Variants in GPC5 observed in about 807,000 individuals in gnomAD.
GPC5 encodes the protein glypican 5, also known as glypican-5.
A neutral mutation model predicts 53.9 loss-of-function variants in GPC5; 47 were observed. That is an observed-to-expected ratio of 0.87 (90% CI 0.69 to 1.11). The LOEUF (loss-of-function observed/expected upper bound fraction) is 1.11, where lower values mean the gene tolerates loss of function less well. Ranked by LOEUF, GPC5 falls within the 50% of genes most tolerant of loss-of-function variation. GPC5 has a pLI of 0.00. For synonymous variants in GPC5, 286 were observed against 263.3 expected (o/e 1.09, Z -0.84); for missense variants, 748 against 713.1 (o/e 1.05, Z -0.56).
intron 7 of GPC5, among the ~76,000 whole-genome samples, chr13:92,508,544 A>G (rs1880456750): frequency 6.6e-6 from 1 of 152,182 alleles, no homozygotes; most frequent in South Asian, 2.1e-4. Context: ...ATTTGAGGAA[A>G]CACGAGTATG....
chr13:92,343,084 C>A (rs752301252), intron 7 of GPC5, among the ~76,000 whole-genome samples: 1 of 152,096 alleles, frequency 6.6e-6, no homozygotes, highest in South Asian at 2.1e-4. Flanking sequence ...AAGTTTGCAA[C>A]AATAATTTGT....
intron 5 of GPC5, among the ~76,000 whole-genome samples, chr13:91,840,524 A>G (rs1318767528): frequency 6.6e-6 from 1 of 152,068 alleles, no homozygotes; most frequent in African/African-American, 2.4e-5. Context: ...AAACCTTCTG[A>G]GAATAAAACA....
chr13:91,763,607 A>G (rs558308259), intron 5 of GPC5, among the ~76,000 whole-genome samples: 2 of 152,342 alleles, frequency 1.3e-5, no homozygotes, highest in East Asian at 3.9e-4. Context: ...TCTAGGTTCA[A>G]TTAGACAAAT....
chr13:92,726,115 C>T (rs572727632), intron 7 of GPC5, among the ~76,000 whole-genome samples: 1 of 151,466 alleles, frequency 6.6e-6, no homozygotes, highest in African/African-American at 2.4e-5. Flanking sequence ...GTCAGAGCTC[C>T]AGAAAAGAGA....
At chr13:92,315,467 A>G (rs147124874) in intron 7 of GPC5, among the ~76,000 whole-genome samples, 30 of 152,322 alleles carry the variant, frequency 2.0e-4, no homozygotes, top group Non-Finnish European at 3.8e-4. Flanking sequence ...TTTGGGCATC[A>G]GGGTTTGAAA....
intron 7 of GPC5, among the ~76,000 whole-genome samples, chr13:92,154,904 T>C (rs2041932725): frequency 6.6e-6 from 1 of 152,296 alleles, no homozygotes; most frequent in Non-Finnish European, 1.5e-5. Flanking sequence ...TATAACACAT[T>C]ATCTGAATAA....
intron 7 of GPC5, among the ~76,000 whole-genome samples, chr13:92,555,449 AT>A (rs1241427502): frequency 2.0e-5 from 3 of 151,546 alleles, no homozygotes; most frequent in Admixed American, 6.6e-5. Flanking sequence ...ATTTAGCTCA[AT>A]TTAGAATAAA....
At chr13:91,602,345 T>A (rs2033207969) in intron 2 of GPC5, among the ~76,000 whole-genome samples, 1 of 152,234 alleles carries the variant, frequency 6.6e-6, no homozygotes, top group Admixed American at 6.5e-5. Context: ...CATGTATTCA[T>A]CTTTGCAAGA....
At chr13:92,076,832 A>C (rs1335873939) in intron 6 of GPC5, among the ~76,000 whole-genome samples, 2 of 152,194 alleles carry the variant, frequency 1.3e-5, no homozygotes, top group Non-Finnish European at 2.9e-5. Flanking sequence ...ACATAGCTAG[A>C]TCTTTTTCTT....
chr13:92,441,609 C>T (rs1877568495), intron 7 of GPC5, among the ~76,000 whole-genome samples: 1 of 152,104 alleles, frequency 6.6e-6, no homozygotes, highest in Admixed American at 6.5e-5. Flanking sequence ...GTAAAATACA[C>T]CTGAATACAG....
chr13:91,984,365 T>C (rs1447114739), intron 6 of GPC5, among the ~76,000 whole-genome samples: 3 of 152,200 alleles, frequency 2.0e-5, no homozygotes, highest in Non-Finnish European at 4.4e-5. Context: ...GCATGCTATA[T>C]CTGTCCACTA....
intron 6 of GPC5, among the ~76,000 whole-genome samples, chr13:92,064,240 C>T (rs1415620322): frequency 6.6e-6 from 1 of 152,142 alleles, no homozygotes; most frequent in Non-Finnish European, 1.5e-5. Flanking sequence ...TAATAAGAAA[C>T]TTATAAGATA....
intron 7 of GPC5, among the ~76,000 whole-genome samples, chr13:92,570,683 G>A (rs555195536): frequency 2.0e-5 from 3 of 152,086 alleles, no homozygotes; most frequent in South Asian, 2.1e-4. Context: ...CAAAAAAGTG[G>A]ATATGGAGGA....
At position 92,616,414 on chromosome 13, in the gene GPC5, G is replaced by A. The variant is rs538524750; in HGVS notation, c.1562-249868G>A. Among the ~76,000 whole-genome samples the A allele has an allele frequency of 2.0e-5, 3 of 152,250 alleles. No individual in the cohort carries two copies. The South Asian group carries it at 6.2e-4, about 32-fold the overall frequency. Reference sequence around the variant, plus strand: ...GCATACCTTGGAGGTATGTAATAAAGTGTGGAAAAGTCTGGATGTGTAGAG... The same window carrying A: ...GCATACCTTGGAGGTATGTAATAAAATGTGGAAAAGTCTGGATGTGTAGAG... On this transcript the variant is annotated intron_variant, in intron 7 of 7. Transcript: ENST00000377067.
chr13:92,133,204 G>A (rs2041758540), intron 6 of GPC5, among the ~76,000 whole-genome samples: 2 of 152,100 alleles, frequency 1.3e-5, no homozygotes, highest in Admixed American at 6.6e-5. Flanking sequence ...TTTCAATTTG[G>A]CATATCTTTG....
chr13:91,621,708 A>T (rs2033859908), intron 2 of GPC5, among the ~76,000 whole-genome samples: 1 of 146,814 alleles, frequency 6.8e-6, no homozygotes, highest in African/African-American at 2.6e-5. Context: ...TTCTAATGGG[A>T]GAATTGTATC....
intron 6 of GPC5, among the ~76,000 whole-genome samples, chr13:92,046,620 C>T (rs551058094): frequency 6.6e-6 from 1 of 152,326 alleles, no homozygotes; most frequent in Non-Finnish European, 1.5e-5. Context: ...CTTTTATCTT[C>T]TTACTTTGGT....
chr13:91,834,039 A>C (rs1377910680), intron 5 of GPC5, among the ~76,000 whole-genome samples: 1 of 152,226 alleles, frequency 6.6e-6, no homozygotes, highest in Non-Finnish European at 1.5e-5. Context: ...AAGCAACTTC[A>C]GCAAAGTCTC....
chr13:91,541,257 T>G (rs1244820856), intron 2 of GPC5, among the ~76,000 whole-genome samples: 3 of 152,168 alleles, frequency 2.0e-5, no homozygotes, highest in Non-Finnish European at 4.4e-5. Context: ...ATGTAATTTG[T>G]CCATTTCTTT....
Sources: allele counts gnomAD v4.1 joint callset (sites outside exome capture counted in the v4.1 genomes callset), GRCh38; gene constraint gnomAD v4.1.1; transcripts MANE v1.5; gene names NCBI Gene and HGNC (gene_info 2026-07-23, HGNC 2026-07-21).